Variants in WDR77 observed in about 807,000 individuals in gnomAD.
WDR77 encodes the protein WD repeat domain 77.
Under a neutral mutation model 44.0 loss-of-function variants are expected in WDR77, and 31 were observed. The observed-to-expected ratio is 0.70, with a 90% CI of 0.53 to 0.95. WDR77 has a LOEUF of 0.95. WDR77 is among the 40% of genes least tolerant of loss of function. The pLI, the probability that WDR77 is intolerant of heterozygous loss-of-function variation, is 0.00. For synonymous variants in WDR77, 186 were observed against 165.7 expected (o/e 1.12, Z -0.94); for missense variants, 390 against 423.9 (o/e 0.92, Z 0.70).
Position 111,441,350 on chromosome 1 carries a change from C to T in WDR77, c.909G>A (p.Ala303=), listed in dbSNP as rs771792166. ...SQAHRDFVRD[A]TWSPLNHSLL... ...GGGAGTGATTGAGCGGGGACCAAGT[C>T]GCATCTCTCACAAAGTCTCTGTGGG... The change falls in exon 10 of 10, where the codon GCG becomes GCA. Residue 303 remains alanine, a synonymous_variant. Transcript: ENST00000235090. The T allele has an allele frequency of 1.5e-5, 23 of 1,561,560 alleles. No homozygotes were observed. Among genetic ancestry groups the T allele is most frequent in the East Asian group, 2.4e-5 (1 of 41,946 alleles).
intron 9 of WDR77, chr1:111,441,693 C>T: frequency 1.2e-6 from 1 of 840,510 alleles, no homozygotes; most frequent in Non-Finnish European, 1.6e-6. Flanking sequence ...CCAGGTGCTG[C>T]CTTTTACCCT....
intron 1 of WDR77, 105 bp downstream of exon 1, chr1:111,448,950 G>A: frequency 3.3e-6 from 5 of 1,534,940 alleles, no homozygotes; most frequent in Non-Finnish European, 4.4e-6. Flanking sequence ...GCGACCCAGG[G>A]TCAGGATAAC....
intron 5 of WDR77, 48 bp downstream of exon 5, chr1:111,444,006 C>A (rs1416502917): frequency 1.9e-6 from 3 of 1,613,196 alleles, no homozygotes; most frequent in Non-Finnish European, 2.5e-6. Flanking sequence ...GAGACTTTGG[C>A]CTATGGATGG....
chr1:111,443,581 G>T, intron 6 of WDR77, 187 bp from the exon 7 acceptor site: 1 of 917,202 alleles, frequency 1.1e-6, no homozygotes, highest in Non-Finnish European at 1.3e-6. Flanking sequence ...TTCTGGACAC[G>T]AGTCACAGGC....
chr1:111,443,344 G>C lies in WDR77; in HGVS notation c.670C>G (p.Gln224Glu). 6.4e-7 allele frequency: 1 copy of C among 1,551,948 alleles called. No homozygotes were observed. Among genetic ancestry groups the C allele is most frequent in the Non-Finnish European group, 8.7e-7 (1 of 1,147,124 alleles). ...LPTSLAWHPQ[Q>E]SEVFVFGDEN... ...TTACCAAAGACAAAGACTTCACTTTGCTGAGGATGCCAAGCCAGCGAGGTA... is the reference window on the plus strand; with the variant it reads ...TTACCAAAGACAAAGACTTCACTTTCCTGAGGATGCCAAGCCAGCGAGGTA... Residue 224 changes from glutamine (Q) to glutamate (E), a missense_variant, in exon 7 of 10, where the codon CAA becomes GAA. Gln to Glu is a conservative substitution (Grantham distance 29). Transcript: ENST00000235090.
chr1:111,448,485 G>A, intron 2 of WDR77, 134 bp downstream of exon 2: 6 of 998,422 alleles, frequency 6.0e-6, no homozygotes, highest in Non-Finnish European at 7.5e-6. Context: ...GTTTGCATTC[G>A]GGGCCAACAC....
rs1365689236 is a variant in WDR77 at position 111,441,219 on chromosome 1, T to C, written c.*11A>G. 1 of 1,488,030 alleles carries C rather than the reference T, an allele frequency of 6.7e-7. No homozygotes were observed. The allele number at this position is 1,488,030 out of a possible 1,614,324, so 92.2% of individuals were successfully genotyped here. A position where few individuals can be genotyped will look rare whatever the true frequency, so the allele number is the denominator to read the frequency against. On this transcript the variant is annotated 3_prime_UTR_variant, in exon 10 of 10. Transcript: ENST00000235090. Reference sequence around the variant, plus strand: ...ACTCATGGGGGACTTGCTTTTTGTCTTAAATCCAATCTACTCAGTAACACT... The same window carrying C: ...ACTCATGGGGGACTTGCTTTTTGTCCTAAATCCAATCTACTCAGTAACACT...
In WDR77 at chr1:111,441,318, G is replaced by A. The variant is rs1571363655; in HGVS notation, c.941C>T (p.Thr314Ile). Reference protein sequence around the residue: ...TWSPLNHSLLTTVGWDHQVVH... With the variant: ...TWSPLNHSLLITVGWDHQVVH... ...GACCTGATGGTCCCAGCCCACTGTG[G>A]TAAGCAGGGAGTGATTGAGCGGGGA... is the stretch of plus-strand genomic sequence containing the variant. The change falls in exon 10 of 10, where the codon ACC becomes ATC. Residue 314 changes from threonine to isoleucine, a missense_variant. By Grantham distance (89) the Thr-to-Ile change is moderately conservative. Coordinates refer to ENST00000235090, the MANE Select transcript of WDR77 (RefSeq NM_024102.4). 6.3e-7 allele frequency: 1 copy of A among 1,587,244 alleles called. No individual in the cohort carries two copies. Among genetic ancestry groups the A allele is most frequent in the East Asian group, 2.3e-5 (1 of 42,938 alleles).
rs369796479 is a variant in WDR77, at chr1:111,446,523, A to C, written c.493+572T>G. On this transcript the variant is annotated intron_variant, in intron 4 of 9. Transcript: ENST00000235090. ...GTAAAAGGGCTTCAATGCCATGACA[A>C]GAAAATGGGATTTTAATCCACAGGC... Among the ~76,000 whole-genome samples the C allele has an allele frequency of 3.3e-5, 5 of 152,246 alleles. No homozygotes were observed. The South Asian group carries it at 1.0e-3, about 32-fold the overall frequency.
At chr1:111,442,220 A>T (rs934159140) in intron 8 of WDR77, 127 bp from the exon 9 acceptor site, 89 of 835,042 alleles carry the variant, frequency 1.1e-4, no homozygotes, top group Middle Eastern at 3.4e-4. Context: ...CTTTTGGCTA[A>T]TCTGGCTACT....
At chr1:111,443,718 G>C (rs539628571) in intron 6 of WDR77, 149 bp downstream of exon 6, 15 of 1,484,882 alleles carry the variant, frequency 1.0e-5, no homozygotes, top group Non-Finnish European at 1.3e-5. Flanking sequence ...GGGGTTAGCA[G>C]AGCCTCACTG....
intron 2 of WDR77, 57 bp from the exon 3 acceptor site, chr1:111,447,633 A>G (rs1653102526): frequency 3.1e-6 from 5 of 1,594,342 alleles, no homozygotes; most frequent in Non-Finnish European, 4.3e-6. Context: ...GCAGTAATTC[A>G]CTTCTAGGAT....
At chr1:111,447,689 C>T (rs1461225783) in intron 2 of WDR77, 113 bp from the exon 3 acceptor site, 1 of 1,291,128 alleles carries the variant, frequency 7.7e-7, no homozygotes, top group Non-Finnish European at 1.1e-6. Flanking sequence ...TTAGTTATTC[C>T]TGTAAAAGCA....
In WDR77 at chr1:111,441,353, A is replaced by T. The variant is rs770393341; in HGVS notation, c.906T>A (p.Asp302Glu). Residue 302 changes from aspartate (D) to glutamate (E), a missense_variant, in exon 10 of 10, where the codon GAT (aspartate) becomes GAA (glutamate). By Grantham distance (45) the Asp-to-Glu change is conservative (BLOSUM62 2). Coordinates refer to ENST00000235090, the MANE Select transcript of WDR77 (RefSeq NM_024102.4). ...RSQAHRDFVR[D>E]ATWSPLNHSL... ...AGTGATTGAGCGGGGACCAAGTCGC[A>T]TCTCTCACAAAGTCTCTGTGGGCTT... is the stretch of plus-strand genomic sequence containing the variant. 3 of 1,564,450 alleles carry T rather than the reference A, an allele frequency of 1.9e-6. No homozygotes were observed. The highest frequency in any genetic ancestry group is 2.6e-6 in the Non-Finnish European group (3 of 1,152,140).
chr1:111,443,384 C>T lies in WDR77; in HGVS notation c.630G>A (p.Ala210=), dbSNP rs116374713. ...CCAGCGAGGTAGGAAGGTAGCCAGG[C>T]GCACTGCAGCCTGCAAAGGAGAGAC... ...PKPASQIGCS[A]PGYLPTSLAW... The change falls in exon 7 of 10, where the codon GCG becomes GCA. Residue 210 remains alanine (A), a synonymous_variant. Coordinates refer to ENST00000235090, the MANE Select transcript of WDR77 (RefSeq NM_024102.4). 4.4e-5 allele frequency: 69 copies of T among 1,552,256 alleles called. 2 individuals are homozygous for T. In the South Asian group the frequency reaches 6.1e-4, roughly 14 times the overall value.
chr1:111,441,974 C>T (rs1652834298), intron 9 of WDR77, 51 bp downstream of exon 9: 1 of 1,531,846 alleles, frequency 6.5e-7, no homozygotes, highest in Non-Finnish European at 9.0e-7. Flanking sequence ...ATGACTCGCC[C>T]ACCCACTGCT....
At chr1:111,445,457 C>T (rs959750851) in intron 4 of WDR77, among the ~76,000 whole-genome samples, 1 of 152,200 alleles carries the variant, frequency 6.6e-6, no homozygotes, top group Non-Finnish European at 1.5e-5. Flanking sequence ...TACATGGTTC[C>T]TCTACCCTCA....
rs746295605 is a variant in WDR77, at chr1:111,442,011, C to T, written c.869+14G>A. 7 of 1,612,568 alleles carry T rather than the reference C, an allele frequency of 4.3e-6. No individual in the cohort carries two copies. In the Admixed American group the frequency reaches 1.2e-4, roughly 27 times the overall value. The stretch of plus-strand genomic sequence containing the variant: ...CCCTTCCCTGATTCCCAAAGGATTC[C>T]ACTTCACACTTACAACTCAGAAAGG... On this transcript the variant is annotated intron_variant, in intron 9 of 9. Coordinates refer to ENST00000235090, the MANE Select transcript of WDR77 (RefSeq NM_024102.4).
In WDR77 at chr1:111,448,378, G is replaced by A. The variant is rs76526236; in HGVS notation, c.301+241C>T. On this transcript the variant is annotated intron_variant, in intron 2 of 9. Transcript: ENST00000235090. ...GGGGCAGGTTACACAGAAGAAAAAT[G>A]GTTCCAATCCGTTGCTTAATTTTGT... Among the ~76,000 whole-genome samples the A allele has an allele frequency of 2.6e-5, 4 of 152,262 alleles. No homozygotes were observed. The East Asian group carries it at 7.7e-4, about 29-fold the overall frequency.
Sources: gnomAD v4.1 joint callset for allele counts (sites outside exome capture counted in the v4.1 genomes callset) on GRCh38, gnomAD v4.1.1 for gene constraint, MANE v1.5 for transcripts, NCBI Gene and HGNC (gene_info 2026-07-23, HGNC 2026-07-21) for gene names.